GTF2H1: variants seen among roughly 807,000 people sequenced by gnomAD.
GTF2H1 encodes BTF2 p62.
GTF2H1 carries 16 observed loss-of-function variants against 71.2 expected under a neutral mutation model. The observed-to-expected ratio is 0.22, with a 90% CI of 0.15 to 0.34. GTF2H1 has a LOEUF of 0.34. Ranked by LOEUF, GTF2H1 falls within the 10% of genes least tolerant of loss-of-function variation. The pLI, the probability that GTF2H1 is intolerant of heterozygous loss-of-function variation, is 1.00. For missense variants in GTF2H1, 498 were observed against 648.2 expected (o/e 0.77, Z 2.52); for synonymous variants, 215 against 219.0 (o/e 0.98, Z 0.16).
intron 14 of GTF2H1, among the ~76,000 whole-genome samples, chr11:18,363,006 C>A (rs1865741587): frequency 6.6e-6 from 1 of 151,522 alleles, no homozygotes; most frequent in Middle Eastern, 3.4e-3. Context: ...TCTTTTTAAA[C>A]TTTTGTTAAA....
chr11:18,330,118 A>G (rs1024750667), intron 1 of GTF2H1, among the ~76,000 whole-genome samples: 4 of 152,306 alleles, frequency 2.6e-5, no homozygotes, highest in East Asian at 3.9e-4. Context: ...CCTAAGACCT[A>G]TGTATTTGTT....
At chr11:18,354,630 G>A (rs140261634) in intron 11 of GTF2H1, among the ~76,000 whole-genome samples, 6 of 152,050 alleles carry the variant, frequency 3.9e-5, no homozygotes, top group Non-Finnish European at 7.4e-5. Flanking sequence ...AATCACTGAT[G>A]ATTCTTGCCT....
intron 14 of GTF2H1, among the ~76,000 whole-genome samples, chr11:18,364,361 C>T (rs1034644661): frequency 1.3e-5 from 2 of 152,186 alleles, no homozygotes; most frequent in African/African-American, 4.8e-5. Context: ...CAAAACTTTA[C>T]TTCTAAACAC....
chr11:18,358,207 A>C (rs771361136), intron 12 of GTF2H1, 165 bp downstream of exon 12: 14 of 620,454 alleles, frequency 2.3e-5, no homozygotes, highest in Admixed American at 1.5e-4. Flanking sequence ...TCTAGACAAG[A>C]TCTTAGGTTT....
intron 9 of GTF2H1, among the ~76,000 whole-genome samples, chr11:18,350,381 A>G (rs985587470): frequency 6.6e-6 from 1 of 152,158 alleles, no homozygotes; most frequent in African/African-American, 2.4e-5. Flanking sequence ...GTCAAAAATC[A>G]TGAAGACATC....
At chr11:18,330,774 T>C (rs1309983367) in intron 1 of GTF2H1, among the ~76,000 whole-genome samples, 1 of 152,202 alleles carries the variant, frequency 6.6e-6, no homozygotes, top group Non-Finnish European at 1.5e-5. Context: ...TGGAAGATCT[T>C]TGAAAGCAGA....
chr11:18,332,051 C>T (rs1217078808), intron 1 of GTF2H1, among the ~76,000 whole-genome samples: 1 of 150,964 alleles, frequency 6.6e-6, no homozygotes, highest in Non-Finnish European at 1.5e-5. Flanking sequence ...ATCTCAAACT[C>T]TTGGGCTCAA....
chr11:18,327,720 C>T (rs780716900), intron 1 of GTF2H1, among the ~76,000 whole-genome samples: 3 of 152,282 alleles, frequency 2.0e-5, no homozygotes, highest in Non-Finnish European at 2.9e-5. Context: ...TCCCGACTTG[C>T]TGGGACTACA....
chr11:18,328,534 A>G (rs1864822812), intron 1 of GTF2H1, among the ~76,000 whole-genome samples: 2 of 146,070 alleles, frequency 1.4e-5, no homozygotes, highest in African/African-American at 5.1e-5. Context: ...AAAAAATTTT[A>G]TGGAATCATG....
intron 13 of GTF2H1, 66 bp downstream of exon 13, chr11:18,358,706 G>C: frequency 2.0e-6 from 2 of 979,888 alleles, no homozygotes; most frequent in Non-Finnish European, 3.3e-6. Flanking sequence ...TTTGAAATTG[G>C]AAAGTTTTAT....
At chr11:18,340,798 A>G (rs1865140285) in intron 5 of GTF2H1, among the ~76,000 whole-genome samples, 1 of 152,188 alleles carries the variant, frequency 6.6e-6, no homozygotes, top group South Asian at 2.1e-4. Flanking sequence ...AAAGTGGCAG[A>G]CCTGGAATTT....
At chr11:18,330,431 A>G (rs946149826) in intron 1 of GTF2H1, among the ~76,000 whole-genome samples, 3 of 152,232 alleles carry the variant, frequency 2.0e-5, no homozygotes, top group Non-Finnish European at 2.9e-5. Flanking sequence ...CAAGGAGACA[A>G]AAGCTTCCAG....
intron 8 of GTF2H1, 51 bp downstream of exon 8, chr11:18,347,766 A>C: frequency 1.2e-6 from 2 of 1,601,264 alleles, no homozygotes; most frequent in Non-Finnish European, 1.7e-6. Context: ...GGATATCCAG[A>C]TGGAGTTGTG....
At chr11:18,359,130 A>G (rs1865638218) in intron 13 of GTF2H1, among the ~76,000 whole-genome samples, 1 of 152,268 alleles carries the variant, frequency 6.6e-6, no homozygotes, top group African/African-American at 2.4e-5. Flanking sequence ...TAAAGACCTC[A>G]TTAAGCACAA....
intron 3 of GTF2H1, among the ~76,000 whole-genome samples, chr11:18,337,287 T>C (rs571911181): frequency 3.9e-5 from 6 of 152,002 alleles, no homozygotes; most frequent in South Asian, 2.1e-4. Flanking sequence ...CATATCTATG[T>C]ATACAAAAAT....
intron 7 of GTF2H1, among the ~76,000 whole-genome samples, chr11:18,346,664 A>G (rs1291883339): frequency 6.6e-6 from 1 of 151,680 alleles, no homozygotes; most frequent in Admixed American, 6.6e-5. Context: ...TTAGAAAAAG[A>G]ATTTGACTCT....
Position 18,347,578 on chromosome 11 carries a change from T to C in GTF2H1, c.838-10T>C. 1 of 1,566,846 alleles carries C rather than the reference T, an allele frequency of 6.4e-7. No individual in the cohort carries two copies. The highest frequency in any genetic ancestry group is 8.6e-7 in the Non-Finnish European group (1 of 1,159,150). On this transcript the variant is annotated splice_polypyrimidine_tract_variant and intron_variant, in intron 7 of 14. Transcript: ENST00000265963. ...TTTTTAAAAAATTTTTAATCTATTA[T>C]TTCTCACAGGGCTATGGCATTTCCT...
At chr11:18,340,634 G>A (rs1306456809) in intron 5 of GTF2H1, among the ~76,000 whole-genome samples, 1 of 152,148 alleles carries the variant, frequency 6.6e-6, no homozygotes, top group Non-Finnish European at 1.5e-5. Context: ...TGTTTATTAT[G>A]TGCCAGACGC....
intron 1 of GTF2H1, among the ~76,000 whole-genome samples, chr11:18,326,606 A>C (rs535530767): frequency 6.6e-6 from 1 of 151,972 alleles, no homozygotes; most frequent in East Asian, 1.9e-4. Context: ...TTCTGTCTTC[A>C]TGCATTTTTT....
Sources: allele counts gnomAD v4.1 joint callset (sites outside exome capture counted in the v4.1 genomes callset), GRCh38; gene constraint gnomAD v4.1.1; transcripts MANE v1.5; gene names NCBI Gene and HGNC (gene_info 2026-07-23, HGNC 2026-07-21).